ELP4: variants seen among roughly 807,000 people sequenced by gnomAD.
ELP4 encodes elongator complex protein 4.
Under a neutral mutation model 48.9 loss-of-function variants are expected in ELP4, and 51 were observed. The ratio of observed to expected loss-of-function variants is 1.04; its 90% CI spans 0.83 to 1.32. The LOEUF (loss-of-function observed/expected upper bound fraction) is 1.32, where lower values mean the gene tolerates loss of function less well. Ranked by LOEUF, ELP4 falls within the 40% of genes most tolerant of loss-of-function variation. ELP4 has a pLI of 0.00. For missense variants in ELP4, 519 were observed against 514.6 expected (o/e 1.01, Z -0.08); for synonymous variants, 210 against 189.2 (o/e 1.11, Z -0.90).
intron 9 of ELP4, among the ~76,000 whole-genome samples, chr11:31,679,041 T>C (rs1383537093): frequency 6.6e-6 from 1 of 152,168 alleles, no homozygotes; most frequent in African/African-American, 2.4e-5. Flanking sequence ...TTTTTATATG[T>C]TTTTTTGCCA....
intron 9 of ELP4, among the ~76,000 whole-genome samples, chr11:31,744,904 G>A (rs995803583): frequency 4.6e-5 from 7 of 152,030 alleles, no homozygotes; most frequent in Admixed American, 1.3e-4. Flanking sequence ...CTCAGGCAGG[G>A]GAAGGAAATA....
intron 4 of ELP4, among the ~76,000 whole-genome samples, chr11:31,598,293 G>A (rs1053204647): frequency 1.1e-4 from 17 of 151,990 alleles, no homozygotes; most frequent in Admixed American, 2.6e-4. Context: ...GCTATATAGA[G>A]TTGGGGTAAA....
In ELP4 at chr11:31,788,125, T is replaced by TG. The variant is rs1948800461; in HGVS notation, c.*4604dup. The TG allele has an allele frequency of 8.9e-6, 2 of 224,762 alleles. No homozygotes were observed. The highest frequency in any genetic ancestry group is 1.3e-4 in the East Asian group (2 of 15,614). The allele number at this position is 224,762 out of a possible 1,614,324, so 13.9% of individuals were successfully genotyped here. On this transcript the variant is annotated 3_prime_UTR_variant, in exon 10 of 10. Coordinates refer to ENST00000640961, the MANE Select transcript of ELP4 (RefSeq NM_019040.5). ...GGCTTATTTTTTTCCATCCTTTGCT[T>TG]GGGCTCAAGCACTCCTGCCCTGCGT...
chr11:31,587,337 G>A (rs1397796849), intron 3 of ELP4, among the ~76,000 whole-genome samples: 5 of 152,108 alleles, frequency 3.3e-5, no homozygotes, highest in African/African-American at 4.8e-5. Flanking sequence ...GTTATAAACC[G>A]TAACAGCACT....
intron 3 of ELP4, among the ~76,000 whole-genome samples, chr11:31,571,002 A>G (rs1413402753): frequency 1.4e-4 from 20 of 143,178 alleles, no homozygotes; most frequent in South Asian, 4.5e-4. Context: ...GTTTCACCAT[A>G]TTGGCCAGGC....
intron 9 of ELP4, among the ~76,000 whole-genome samples, chr11:31,709,042 T>G (rs74820233): frequency 0.017 from 2,557 of 152,248 alleles, 62 homozygotes; most frequent in African/African-American, 0.058. Context: ...GGTCCACGAT[T>G]AATTGATTTT....
At chr11:31,521,415 C>A (rs1206239098) in intron 2 of ELP4, among the ~76,000 whole-genome samples, 1 of 151,908 alleles carries the variant, frequency 6.6e-6, no homozygotes, top group African/African-American at 2.4e-5. Flanking sequence ...CATAGTTAAT[C>A]TGATAACCAG....
In ELP4 at chr11:31,708,140, A is replaced by G. The variant is rs559427435; in HGVS notation, c.1143+57919A>G. Among the ~76,000 whole-genome samples, 5 of 152,272 alleles carry G rather than the reference A, an allele frequency of 3.3e-5. No homozygotes were observed. In the South Asian group the frequency reaches 1.0e-3, roughly 32 times the overall value. On this transcript the variant is annotated intron_variant, in intron 9 of 9. Coordinates refer to ENST00000640961, the MANE Select transcript of ELP4 (RefSeq NM_019040.5). ...CCTTTGCCATTCAGTCTTCTTGGACATGTAACTCTTTACATTTTCCCCCTA... is the reference window on the plus strand; with the variant it reads ...CCTTTGCCATTCAGTCTTCTTGGACGTGTAACTCTTTACATTTTCCCCCTA...
intron 9 of ELP4, among the ~76,000 whole-genome samples, chr11:31,691,759 C>T (rs1946286338): frequency 5.3e-5 from 8 of 152,066 alleles, no homozygotes. Flanking sequence ...TTTACAATAA[C>T]AATTTTTGAA....
At chr11:31,592,883 A>G (rs941453727) in intron 3 of ELP4, among the ~76,000 whole-genome samples, 4 of 152,174 alleles carry the variant, frequency 2.6e-5, no homozygotes, top group Non-Finnish European at 5.9e-5. Flanking sequence ...TATTGTACAC[A>G]TTAATGTAAG....
At chr11:31,710,579 C>A (rs555540733) in intron 9 of ELP4, among the ~76,000 whole-genome samples, 1 of 150,166 alleles carries the variant, frequency 6.7e-6, no homozygotes, top group Non-Finnish European at 1.5e-5. Flanking sequence ...GAGTCCAGAT[C>A]GTGCCACTGC....
At position 31,658,841 on chromosome 11, in the gene ELP4, CCT is replaced by C. The variant is rs1945493076; in HGVS notation, c.1143+8621_1143+8622del. On this transcript the variant is annotated intron_variant, in intron 9 of 9. Transcript: ENST00000640961. The stretch of plus-strand genomic sequence containing the variant: ...TTTCAAATTTCTAATTTTTTCCTCC[CCT>C]GTCATCATAACTGGTTCTAATGAAG... Among the ~76,000 whole-genome samples, 3 of 151,954 alleles carry C rather than the reference CCT, an allele frequency of 2.0e-5. No homozygotes were observed. In the South Asian group the frequency reaches 6.2e-4, roughly 32 times the overall value.
intron 7 of ELP4, among the ~76,000 whole-genome samples, chr11:31,634,951 A>T (rs1944941081): frequency 6.6e-6 from 1 of 151,952 alleles, no homozygotes. Flanking sequence ...TCTCATTCCT[A>T]GACGATTTTG....
chr11:31,547,054 C>G (rs890124094), intron 3 of ELP4, among the ~76,000 whole-genome samples: 2 of 151,806 alleles, frequency 1.3e-5, no homozygotes, highest in African/African-American at 2.4e-5. Context: ...AAATTGACAC[C>G]CTAACATCAC....
intron 2 of ELP4, among the ~76,000 whole-genome samples, chr11:31,539,190 C>T (rs924505908): frequency 1.9e-4 from 29 of 152,276 alleles, no homozygotes; most frequent in East Asian, 5.8e-4. Flanking sequence ...TCTGGCCGGG[C>T]GCGGTGGCTT....
intron 3 of ELP4, among the ~76,000 whole-genome samples, chr11:31,569,126 C>T (rs61699915): frequency 0.05 from 7,520 of 151,828 alleles, 516 homozygotes; most frequent in African/African-American, 0.13. Flanking sequence ...AAACCTAAAT[C>T]TAAAACCTCA....
At chr11:31,686,984 GATC>G (rs1946175387) in intron 9 of ELP4, among the ~76,000 whole-genome samples, 1 of 152,056 alleles carries the variant, frequency 6.6e-6, no homozygotes, top group Admixed American at 6.6e-5. Flanking sequence ...GAGGCCAGGT[GATC>G]ATCATCATCA....
In ELP4 at chr11:31,524,843, G is replaced by C. The variant is rs184462345; in HGVS notation, c.259+4752G>C. Reference sequence around the variant, plus strand: ...TACAAAAAAATACAAAAATTAACTGGGTGTGGTGGCATGTACCTGTAGTCC... The same window carrying C: ...TACAAAAAAATACAAAAATTAACTGCGTGTGGTGGCATGTACCTGTAGTCC... On this transcript the variant is annotated intron_variant, in intron 2 of 9. Coordinates refer to ENST00000640961, the MANE Select transcript of ELP4 (RefSeq NM_019040.5). Among the ~76,000 whole-genome samples the C allele has an allele frequency of 2.0e-4, 31 of 152,186 alleles. 1 individual carries two copies. In the East Asian group the frequency reaches 6.0e-3, roughly 29 times the overall value.
At position 31,530,308 on chromosome 11, in the gene ELP4, G is replaced by A. The variant is rs552552951; in HGVS notation, c.260-9354G>A. Among the ~76,000 whole-genome samples, 9 of 152,270 alleles carry A rather than the reference G, an allele frequency of 5.9e-5. No homozygotes were observed. The South Asian group carries it at 1.7e-3, about 28-fold the overall frequency. On this transcript the variant is annotated intron_variant, in intron 2 of 9. Transcript: ENST00000640961. The stretch of plus-strand genomic sequence containing the variant: ...GATTTGGCTTGCATAGCTGAAAGTA[G>A]TGACTAGCAAAAAGTACATAAAATC...
Sources: allele counts gnomAD v4.1 joint callset (sites outside exome capture counted in the v4.1 genomes callset), GRCh38; gene constraint gnomAD v4.1.1; transcripts MANE v1.5; gene names NCBI Gene and HGNC (gene_info 2026-07-23, HGNC 2026-07-21).